SLC25A21: variants seen among roughly 807,000 people sequenced by gnomAD.
SLC25A21 encodes solute carrier family 25 member 21.
Under a neutral mutation model 43.8 loss-of-function variants are expected in SLC25A21, and 47 were observed. The ratio of observed to expected loss-of-function variants is 1.07; its 90% CI spans 0.85 to 1.37. The LOEUF (loss-of-function observed/expected upper bound fraction) is 1.37. SLC25A21 is among the 40% of genes most tolerant of loss of function. The pLI, the probability that SLC25A21 is intolerant of heterozygous loss-of-function variation, is 0.00. For missense variants in SLC25A21, 352 were observed against 350.2 expected (o/e 1.00, Z -0.04); for synonymous variants, 131 against 121.3 (o/e 1.08, Z -0.52).
chr14:36,880,472 C>G (rs535564230), intron 1 of SLC25A21, among the ~76,000 whole-genome samples: 1 of 152,180 alleles, frequency 6.6e-6, no homozygotes, highest in African/African-American at 2.4e-5. Flanking sequence ...GACACTACCA[C>G]TGTTTCTTTT....
At chr14:37,140,987 A>AAAG (rs1469012529) in intron 1 of SLC25A21, among the ~76,000 whole-genome samples, 1 of 152,170 alleles carries the variant, frequency 6.6e-6, no homozygotes, top group Non-Finnish European at 1.5e-5. Context: ...CTCTACAAAT[A>AAAG]ACACAAAAAT....
At chr14:36,694,954 T>G (rs1258110339) in intron 7 of SLC25A21, among the ~76,000 whole-genome samples, 3 of 152,200 alleles carry the variant, frequency 2.0e-5, no homozygotes, top group Admixed American at 6.5e-5. Context: ...TGCCATTGCT[T>G]TTGGTGTTTT....
chr14:37,030,219 T>C (rs1389009819), intron 1 of SLC25A21, among the ~76,000 whole-genome samples: 1 of 152,222 alleles, frequency 6.6e-6, no homozygotes, highest in Admixed American at 6.5e-5. Context: ...TAGATCATCA[T>C]AAAGGTCTTT....
At chr14:36,804,215 C>T (rs773954016) in intron 3 of SLC25A21, among the ~76,000 whole-genome samples, 5 of 152,184 alleles carry the variant, frequency 3.3e-5, no homozygotes, top group Non-Finnish European at 5.9e-5. Flanking sequence ...GCAGTCATGC[C>T]ATCCCTTTCC....
intron 1 of SLC25A21, among the ~76,000 whole-genome samples, chr14:37,108,704 A>T (rs1962960558): frequency 6.7e-6 from 1 of 149,240 alleles, no homozygotes; most frequent in African/African-American, 2.5e-5. Context: ...AGTTTTGTTA[A>T]GTGTGTGTGT....
At chr14:36,798,441 C>A (rs986754784) in intron 3 of SLC25A21, among the ~76,000 whole-genome samples, 6 of 152,020 alleles carry the variant, frequency 3.9e-5, no homozygotes, top group Non-Finnish European at 7.4e-5. Flanking sequence ...TTTGCAGTTG[C>A]TTTCAGAAGG....
chr14:36,760,329 G>C (rs1594561645), intron 3 of SLC25A21, among the ~76,000 whole-genome samples: 1 of 121,548 alleles, frequency 8.2e-6, no homozygotes, highest in South Asian at 2.6e-4. Context: ...AGGCAGCTAG[G>C]CAGAAGGAAG....
Position 36,684,803 on chromosome 14 carries a change from A to G in SLC25A21, c.726T>C (p.Pro242=). 6.2e-7 allele frequency: 1 copy of G among 1,614,106 alleles called. No individual in the cohort carries two copies. Among genetic ancestry groups the G allele is most frequent in the Non-Finnish European group, 8.5e-7 (1 of 1,179,980 alleles). The change falls in exon 8 of 10, where the codon CCT becomes CCC. Residue 242 remains proline, a synonymous_variant. Transcript: ENST00000331299. ...AACAGGTTCTGTACTTGATCTCTCC[A>G]GGAACTGGTTGAGGCCCTTGAATCC... ...KSRIQGPQPV[P]GEIKYRTCFK... is the part of the protein sequence containing the mutation.
chr14:37,089,880 T>C (rs914828598), intron 1 of SLC25A21, among the ~76,000 whole-genome samples: 4 of 152,228 alleles, frequency 2.6e-5, no homozygotes, highest in African/African-American at 9.6e-5. Flanking sequence ...AAGTGACATC[T>C]TCCATCGCAC....
chr14:36,792,567 A>G (rs1187073503), intron 3 of SLC25A21, among the ~76,000 whole-genome samples: 2 of 152,172 alleles, frequency 1.3e-5, no homozygotes, highest in East Asian at 3.8e-4. Context: ...TGAAATGTCC[A>G]AAGTGCAGGC....
At chr14:36,960,729 T>G (rs1369460743) in intron 1 of SLC25A21, among the ~76,000 whole-genome samples, 1 of 152,164 alleles carries the variant, frequency 6.6e-6, no homozygotes, top group Non-Finnish European at 1.5e-5. Context: ...AGCTGTGGCC[T>G]GTAGTTCCAT....
At chr14:36,865,014 C>T (rs1890173828) in intron 2 of SLC25A21, among the ~76,000 whole-genome samples, 1 of 151,680 alleles carries the variant, frequency 6.6e-6, no homozygotes, top group South Asian at 2.1e-4. Flanking sequence ...AAAAAGATTC[C>T]TTTCTTTTCT....
At chr14:36,833,187 TAC>T (rs1466225216) in intron 2 of SLC25A21, among the ~76,000 whole-genome samples, 1 of 152,198 alleles carries the variant, frequency 6.6e-6, no homozygotes. Flanking sequence ...TCTATATATA[TAC>T]ACACAGAGAG....
At chr14:37,115,754 A>G (rs1484302188) in intron 1 of SLC25A21, among the ~76,000 whole-genome samples, 8 of 152,218 alleles carry the variant, frequency 5.3e-5, no homozygotes, top group Non-Finnish European at 1.2e-4. Context: ...CAACTAAAGC[A>G]TGACCAAAAC....
chr14:36,910,008 C>A (rs1044112801), intron 1 of SLC25A21, among the ~76,000 whole-genome samples: 8 of 152,122 alleles, frequency 5.3e-5, no homozygotes, highest in African/African-American at 1.9e-4. Flanking sequence ...CTACATGACA[C>A]TTGTAATCAT....
rs569522242 is a variant in SLC25A21, at chr14:36,842,042, C to T, written c.120-28041G>A. 1.5e-3 allele frequency among the ~76,000 whole-genome samples: 228 copies of T among 152,298 alleles called. 1 individual carries two copies. Among genetic ancestry groups the T allele is most frequent in the Non-Finnish European group, 2.4e-3 (164 of 68,026 alleles). On this transcript the variant is annotated intron_variant, in intron 2 of 9. Coordinates refer to ENST00000331299, the MANE Select transcript of SLC25A21 (RefSeq NM_030631.4). The stretch of plus-strand genomic sequence containing the variant: ...GCTAAATTCTCTTCCCATGTTTCCA[C>T]GTGGTTTGCCTCCTTAAATTAACTG...
Position 36,934,052 on chromosome 14 carries a change from G to T in SLC25A21, c.71-59048C>A, listed in dbSNP as rs139572645. Among the ~76,000 whole-genome samples the T allele has an allele frequency of 8.8e-3, 1,338 of 152,166 alleles. 16 individuals carry two copies. The highest frequency in any genetic ancestry group is 0.031 in the African/African-American group (1,267 of 41,516). On this transcript the variant is annotated intron_variant, in intron 1 of 9. Transcript: ENST00000331299. The stretch of plus-strand genomic sequence containing the variant: ...TCAGTCAGAGTGGATAAAAGGAAAT[G>T]ATTAATTAGAAAAAAATATCAAAAT...
intron 1 of SLC25A21, among the ~76,000 whole-genome samples, chr14:37,124,021 T>A (rs1036156746): frequency 1.3e-5 from 2 of 152,018 alleles, no homozygotes; most frequent in Non-Finnish European, 2.9e-5. Flanking sequence ...TTATCTTTTT[T>A]TTTTTTTGAG....
chr14:36,905,620 G>C (rs2138604414), intron 1 of SLC25A21, among the ~76,000 whole-genome samples: 1 of 151,572 alleles, frequency 6.6e-6, no homozygotes, highest in South Asian at 2.1e-4. Context: ...ACCCCGAAGG[G>C]ATTTTTTTTT....
Sources: allele counts gnomAD v4.1 joint callset (sites outside exome capture counted in the v4.1 genomes callset), GRCh38; gene constraint gnomAD v4.1.1; transcripts MANE v1.5; gene names NCBI Gene and HGNC (gene_info 2026-07-23, HGNC 2026-07-21).